The following FEZ2 variants were observed in gnomAD, a reference collection of about 807,000 sequenced individuals.
FEZ2 encodes fasciculation and elongation protein zeta 2.
FEZ2 carries 51 observed loss-of-function variants against 40.4 expected under a neutral mutation model. The observed-to-expected ratio is 1.26, with a 90% CI of 1.01 to 1.59. FEZ2 has a LOEUF of 1.59. FEZ2 is among the 40% of genes most tolerant of loss of function. FEZ2 has a pLI of 0.00. For missense variants in FEZ2, 640 were observed against 438.3 expected, an observed-to-expected ratio of 1.46 and a Z score of -4.11; for synonymous variants, 242 against 172.0, an observed-to-expected ratio of 1.41 and a Z score of -3.18.
intron 5 of FEZ2, among the ~76,000 whole-genome samples, chr2:36,562,323 A>AT (rs1468703322): frequency 1.3e-5 from 2 of 152,150 alleles, no homozygotes; most frequent in African/African-American, 4.8e-5. Flanking sequence ...TCCTTGATAA[A>AT]TTTTAAGAGC....
At chr2:36,565,675 G>A (rs1359036137) in intron 5 of FEZ2, among the ~76,000 whole-genome samples, 2 of 152,148 alleles carry the variant, frequency 1.3e-5, no homozygotes, top group Non-Finnish European at 2.9e-5. Context: ...CCACAGAACA[G>A]AGCCAGGCTC....
At chr2:36,577,567 A>C (rs1336264743) in intron 5 of FEZ2, among the ~76,000 whole-genome samples, 1 of 152,220 alleles carries the variant, frequency 6.6e-6, no homozygotes, top group East Asian at 1.9e-4. Flanking sequence ...ATGTCCTTTC[A>C]AAATAGATAC....
chr2:36,590,610 G>C, intron 2 of FEZ2: 1 of 254,192 alleles, frequency 3.9e-6, no homozygotes, highest in Non-Finnish European at 7.5e-6. Flanking sequence ...AGAGGTTGTA[G>C]TAAGCCACTG....
intron 5 of FEZ2, among the ~76,000 whole-genome samples, chr2:36,575,204 T>C (rs1668526778): frequency 6.6e-6 from 1 of 152,192 alleles, no homozygotes; most frequent in Non-Finnish European, 1.5e-5. Flanking sequence ...GTGGTTTTTC[T>C]GTTTTTTGTT....
chr2:36,558,460 T>C lies in FEZ2; in HGVS notation c.957A>G (p.Glu319=), dbSNP rs1668009359. ...CACTTTTTGTTAATATTTGAAGATC[T>C]TCAACAGACGGTGGTCCGTTTTTTT... ...YEKKNGPPSV[E]DLQILTKILR... is the part of the protein sequence containing the mutation. Residue 319 remains glutamate (E), a synonymous_variant, in exon 6 of 8, where the codon GAA becomes GAG. Coordinates refer to ENST00000405912, the MANE Select transcript of FEZ2 (RefSeq NM_005102.3). 6 of 1,530,824 alleles carry C rather than the reference T, an allele frequency of 3.9e-6. No individual in the cohort carries two copies. The highest frequency in any genetic ancestry group is 5.3e-6 in the Non-Finnish European group (6 of 1,135,358). 94.8% of individuals were successfully genotyped at this position (1,530,824 alleles called of 1,614,324 possible). A position where few individuals can be genotyped will look rare whatever the true frequency, so the allele number is the denominator to read the frequency against.
intron 5 of FEZ2, among the ~76,000 whole-genome samples, chr2:36,563,331 G>A (rs1176358864): frequency 6.6e-6 from 1 of 152,160 alleles, no homozygotes; most frequent in Non-Finnish European, 1.5e-5. Flanking sequence ...AGTAAGGAAT[G>A]CAGCAGAACC....
At chr2:36,576,275 ATT>A (rs34261823) in intron 5 of FEZ2, among the ~76,000 whole-genome samples, 53,170 of 149,060 alleles carry the variant, frequency 0.36, 9,500 homozygotes, top group Middle Eastern at 0.5. Flanking sequence ...TAGGCTTTTT[ATT>A]TTTTTTTTTT....
At chr2:36,581,013 G>C (rs192208314) in intron 4 of FEZ2, among the ~76,000 whole-genome samples, 2 of 152,088 alleles carry the variant, frequency 1.3e-5, no homozygotes, top group South Asian at 2.1e-4. Flanking sequence ...TTAGCCAGGC[G>C]TGGTGGCGGG....
rs1667840604 is a variant in FEZ2 at position 36,552,520 on chromosome 2, T to C, written c.*643A>G. 1 of 249,996 alleles carries C rather than the reference T, an allele frequency of 4.0e-6. No individual in the cohort carries two copies. The highest frequency in any genetic ancestry group is 2.3e-5 in the African/African-American group (1 of 43,600). 15.5% of individuals were successfully genotyped at this position (249,996 alleles called of 1,614,324 possible). A position where few individuals can be genotyped will look rare whatever the true frequency, so the allele number is the denominator to read the frequency against. Reference sequence around the variant, plus strand: ...GAACATTTGAAAATCAAAACTTAAATACAAGATTCTAAAAGTGAATGGCAA... The same window carrying C: ...GAACATTTGAAAATCAAAACTTAAACACAAGATTCTAAAAGTGAATGGCAA... On this transcript the variant is annotated 3_prime_UTR_variant, in exon 8 of 8. Transcript: ENST00000405912.
chr2:36,588,575 T>C (rs927386334), intron 2 of FEZ2, among the ~76,000 whole-genome samples: 1 of 152,046 alleles, frequency 6.6e-6, no homozygotes, highest in Non-Finnish European at 1.5e-5. Context: ...TAAAGTGGGG[T>C]AGTATTTGCA....
intron 2 of FEZ2, chr2:36,590,302 T>G (rs1039805091): frequency 4.6e-5 from 7 of 152,278 alleles, no homozygotes; most frequent in African/African-American, 1.7e-4. Flanking sequence ...CGTGTTGAGA[T>G]TCCAATACTC....
At chr2:36,596,703 A>C (rs762566390) in intron 1 of FEZ2, among the ~76,000 whole-genome samples, 2 of 152,048 alleles carry the variant, frequency 1.3e-5, no homozygotes, top group Non-Finnish European at 2.9e-5. Context: ...GCTGGAAGCA[A>C]GCCATCCTCC....
intron 1 of FEZ2, among the ~76,000 whole-genome samples, chr2:36,595,806 G>A (rs891227537): frequency 2.0e-5 from 3 of 152,184 alleles, no homozygotes; most frequent in Non-Finnish European, 4.4e-5. Flanking sequence ...CCCAAGTCAA[G>A]AGACATGCAT....
Position 36,583,527 on chromosome 2 carries a change from C to A in FEZ2, c.376-58G>T, listed in dbSNP as rs943997736. ...GACATCCTCATCAAAACAAAGTTAA[C>A]AGCTCTGAGTAAAAGAGGCTGCAGA... On this transcript the variant is annotated intron_variant, in intron 2 of 7. Transcript: ENST00000405912. 21 of 881,980 alleles carry A rather than the reference C, an allele frequency of 2.4e-5. No individual in the cohort carries two copies. In the African/African-American group the frequency reaches 3.1e-4, roughly 13 times the overall value. The allele number at this position is 881,980 out of a possible 1,614,324, so 54.6% of individuals were successfully genotyped here. A position where few individuals can be genotyped will look rare whatever the true frequency, so the allele number is the denominator to read the frequency against.
intron 2 of FEZ2, among the ~76,000 whole-genome samples, chr2:36,584,403 T>C (rs1668840931): frequency 6.6e-6 from 1 of 152,218 alleles, no homozygotes; most frequent in African/African-American, 2.4e-5. Flanking sequence ...CCCTTAACCC[T>C]GCCCACACCA....
intron 5 of FEZ2, among the ~76,000 whole-genome samples, chr2:36,572,263 G>C (rs1415755994): frequency 6.6e-6 from 1 of 152,186 alleles, no homozygotes; most frequent in Admixed American, 6.5e-5. Flanking sequence ...GCCACACGTA[G>C]CTTGGAGATT....
intron 5 of FEZ2, among the ~76,000 whole-genome samples, chr2:36,578,009 C>T (rs1160965825): frequency 1.3e-5 from 2 of 152,212 alleles, no homozygotes; most frequent in African/African-American, 2.4e-5. Context: ...AAAGGGTCAG[C>T]GTTTCAGATG....
intron 5 of FEZ2, among the ~76,000 whole-genome samples, chr2:36,574,906 G>A (rs1668518035): frequency 6.6e-6 from 1 of 152,130 alleles, no homozygotes; most frequent in African/African-American, 2.4e-5. Context: ...TCCCAAAGAG[G>A]TCCACTCCTT....
intron 4 of FEZ2, among the ~76,000 whole-genome samples, chr2:36,579,345 C>A (rs1362305380): frequency 6.6e-6 from 1 of 152,140 alleles, no homozygotes; most frequent in East Asian, 1.9e-4. Flanking sequence ...AAGTCCTGAT[C>A]TGTGAATTTT....
Sources: allele counts gnomAD v4.1 joint callset (sites outside exome capture counted in the v4.1 genomes callset), GRCh38; gene constraint gnomAD v4.1.1; transcripts MANE v1.5; gene names NCBI Gene and HGNC (gene_info 2026-07-23, HGNC 2026-07-21).